The following LRBA variants were observed in gnomAD, a reference collection of about 807,000 sequenced individuals.
The protein encoded by LRBA is LPS responsive beige-like anchor protein.
A neutral mutation model predicts 330.0 loss-of-function variants in LRBA; 176 were observed. The observed-to-expected ratio is 0.53, with a 90% CI of 0.47 to 0.60. The LOEUF (loss-of-function observed/expected upper bound fraction) is 0.60. Among genes scored for constraint, LRBA ranks in the 20% least tolerant of loss-of-function variants. LRBA has a pLI of 0.00. For synonymous variants in LRBA, 1,230 were observed against 1,193.0 expected, an observed-to-expected ratio of 1.03 and a Z score of -0.64; for missense variants, 3,259 against 3,444.8, an observed-to-expected ratio of 0.95 and a Z score of 1.35.
intron 51 of LRBA, 149 bp from the exon 52 acceptor site, chr4:150,310,533 T>A (rs554194609): frequency 1.9e-6 from 1 of 517,690 alleles, no homozygotes; most frequent in Non-Finnish European, 3.3e-6. Flanking sequence ...GGAAAACATA[T>A]CCAATTGCTG....
At chr4:150,340,879 G>A (rs182395506) in intron 48 of LRBA, among the ~76,000 whole-genome samples, 64 of 152,256 alleles carry the variant, frequency 4.2e-4, no homozygotes, top group Non-Finnish European at 6.8e-4. Context: ...GAGAACAGAC[G>A]ACATGAGATC....
At chr4:150,484,093 G>T (rs1232214856) in intron 42 of LRBA, among the ~76,000 whole-genome samples, 3 of 151,914 alleles carry the variant, frequency 2.0e-5, no homozygotes, top group Non-Finnish European at 2.9e-5. Flanking sequence ...ATGCTAAAAT[G>T]ACTATTTTAT....
intron 37 of LRBA, among the ~76,000 whole-genome samples, chr4:150,653,349 A>G (rs1005069358): frequency 4.6e-5 from 7 of 152,332 alleles, no homozygotes; most frequent in African/African-American, 1.4e-4. Context: ...CATTATGAAC[A>G]CATGGATTTA....
At chr4:150,448,347 A>G (rs994722931) in intron 44 of LRBA, among the ~76,000 whole-genome samples, 1 of 152,252 alleles carries the variant, frequency 6.6e-6, no homozygotes, top group African/African-American at 2.4e-5. Flanking sequence ...CAATAAAAAG[A>G]CTAAAAGTTG....
chr4:151,001,237 C>T (rs968391756), intron 2 of LRBA, among the ~76,000 whole-genome samples: 5 of 152,170 alleles, frequency 3.3e-5, no homozygotes, highest in Non-Finnish European at 5.9e-5. Context: ...GAGGCACAAG[C>T]GGGGCATGTG....
At chr4:150,572,737 G>A (rs973372826) in intron 40 of LRBA, among the ~76,000 whole-genome samples, 1 of 152,066 alleles carries the variant, frequency 6.6e-6, no homozygotes, top group East Asian at 1.9e-4. Context: ...AAGGTTGGGC[G>A]ATTTATTGAC....
In LRBA at chr4:150,542,967, T is replaced by A. The variant is rs1157509160; in HGVS notation, c.6330+45081A>T. Among the ~76,000 whole-genome samples, 4 of 152,144 alleles carry A rather than the reference T, an allele frequency of 2.6e-5. No individual in the cohort carries two copies. In the East Asian group the frequency reaches 7.7e-4, roughly 29 times the overall value. ...TTTATAATGAGGCTTAACATTAAAATACAAAAATGCAAATAAATTGCCATC... is the reference window on the plus strand; with the variant it reads ...TTTATAATGAGGCTTAACATTAAAAAACAAAAATGCAAATAAATTGCCATC... On this transcript the variant is annotated intron_variant, in intron 40 of 56. Coordinates refer to ENST00000651943, the MANE Select transcript of LRBA (RefSeq NM_001364905.1).
chr4:150,737,535 AAAG>A (rs1731357884), intron 35 of LRBA, among the ~76,000 whole-genome samples: 1 of 151,876 alleles, frequency 6.6e-6, no homozygotes, highest in Admixed American at 6.6e-5. Context: ...AAAGAAAAGA[AAAG>A]AAAGACGAAA....
chr4:150,803,107 C>T (rs1263446829), intron 33 of LRBA, among the ~76,000 whole-genome samples: 5 of 142,932 alleles, frequency 3.5e-5, no homozygotes, highest in African/African-American at 8.1e-5. Flanking sequence ...CACACACACA[C>T]ACATATATAC....
intron 36 of LRBA, among the ~76,000 whole-genome samples, chr4:150,718,777 A>G (rs1179228351): frequency 6.6e-6 from 1 of 152,160 alleles, no homozygotes; most frequent in Non-Finnish European, 1.5e-5. Flanking sequence ...ATGAAAAACT[A>G]TATTAGACAA....
At chr4:150,379,137 T>G (rs1741798939) in intron 47 of LRBA, among the ~76,000 whole-genome samples, 1 of 151,720 alleles carries the variant, frequency 6.6e-6, no homozygotes, top group Admixed American at 6.6e-5. Flanking sequence ...ACCCTGCCTC[T>G]ACTAAAAATA....
intron 37 of LRBA, among the ~76,000 whole-genome samples, chr4:150,612,591 C>T (rs914575249): frequency 1.3e-5 from 2 of 152,150 alleles, no homozygotes; most frequent in Non-Finnish European, 1.5e-5. Context: ...ATTTTCCTCT[C>T]TTTCTTTGCT....
At chr4:150,967,169 G>A (rs1738996170) in intron 2 of LRBA, among the ~76,000 whole-genome samples, 1 of 152,096 alleles carries the variant, frequency 6.6e-6, no homozygotes, top group East Asian at 1.9e-4. Flanking sequence ...ATTTAATTCA[G>A]AACTCTAATG....
chr4:150,612,927 T>A (rs1775414451), intron 37 of LRBA, among the ~76,000 whole-genome samples: 1 of 152,138 alleles, frequency 6.6e-6, no homozygotes, highest in African/African-American at 2.4e-5. Context: ...TTTTGAGAAA[T>A]ACCCTTAAGA....
intron 37 of LRBA, among the ~76,000 whole-genome samples, chr4:150,629,831 C>T (rs1317722982): frequency 6.6e-6 from 1 of 151,876 alleles, no homozygotes; most frequent in Admixed American, 6.6e-5. Flanking sequence ...ATTAGCTACG[C>T]ATGGTGGTGG....
At position 150,407,558 on chromosome 4, in the gene LRBA, T is replaced by C. The variant is rs551826743; in HGVS notation, c.7194+7880A>G. ...CAATCAACTCACATCCACAGAACAC[T>C]CAACAATAGCAGAATATCCATTCTT... On this transcript the variant is annotated intron_variant, in intron 47 of 56. Transcript: ENST00000651943. Among the ~76,000 whole-genome samples, 68 of 152,144 alleles carry C rather than the reference T, an allele frequency of 4.5e-4. 1 individual carries two copies. In the South Asian group the frequency reaches 0.013, roughly 29 times the overall value.
chr4:150,435,066 C>T (rs758881051), intron 46 of LRBA, among the ~76,000 whole-genome samples: 48 of 151,792 alleles, frequency 3.2e-4, no homozygotes, highest in Admixed American at 7.9e-4. Context: ...AGGGAGAGGC[C>T]GGGCGCGGTG....
chr4:150,853,065 A>G (rs1750799149), intron 22 of LRBA, 122 bp from the exon 23 acceptor site: 2 of 454,826 alleles, frequency 4.4e-6, no homozygotes, highest in East Asian at 3.5e-5. Context: ...TAATTTTCCT[A>G]TATTTTATTT....
chr4:150,711,671 T>C (rs1048202646), intron 36 of LRBA, among the ~76,000 whole-genome samples: 4 of 152,210 alleles, frequency 2.6e-5, no homozygotes, highest in Non-Finnish European at 4.4e-5. Context: ...TAAGAAACCA[T>C]CAATAACTAT....
Sources: gnomAD v4.1 joint callset for allele counts (sites outside exome capture counted in the v4.1 genomes callset) on GRCh38, gnomAD v4.1.1 for gene constraint, MANE v1.5 for transcripts, NCBI Gene and HGNC (gene_info 2026-07-23, HGNC 2026-07-21) for gene names.